Variants in ALG13 observed in about 807,000 individuals in gnomAD.
ALG13 encodes the protein UDP-N-acetylglucosamine transferase subunit ALG13.
ALG13 carries 11 observed loss-of-function variants against 87.8 expected under a neutral mutation model. The observed-to-expected ratio is 0.13, with a 90% CI of 0.08 to 0.21. The LOEUF (loss-of-function observed/expected upper bound fraction) is 0.21. ALG13 is among the 10% of genes least tolerant of loss of function. The pLI is 1.00. For missense variants in ALG13, 756 were observed against 866.1 expected, an observed-to-expected ratio of 0.87 and a Z score of 1.60; for synonymous variants, 320 against 306.3, an observed-to-expected ratio of 1.04 and a Z score of -0.47.
rs752433516 is a variant in ALG13 at position 111,721,641 on chromosome X, G to A, written c.1365G>A (p.Lys455=). The part of the protein sequence containing the change: ...ENPSKMPFPY[K]VLKALDPEIY... ...CATCAAAGATGCCCTTCCCCTATAA[G>A]GTGCTCAAAGCCCTGGATCCAGAAA... The change falls in exon 12 of 27, where the codon AAG becomes AAA. Residue 455 remains lysine (K), a synonymous_variant. Transcript: ENST00000394780. The A allele has an allele frequency of 8.3e-7, 1 of 1,201,930 alleles. No homozygotes were observed. Among genetic ancestry groups the A allele is most frequent in the East Asian group, 3.0e-5 (1 of 33,541 alleles).
intron 12 of ALG13, 82 bp downstream of exon 12, chrX:111,721,793 T>C (rs1602714250): frequency 1.9e-6 from 1 of 525,638 alleles, no homozygotes; most frequent in East Asian, 3.8e-5. Context: ...ACATCTCTTA[T>C]AAGAAATACT....
chrX:111,727,461 AAAGTCAGAGAAAATTGGT>A lies in ALG13; in HGVS notation c.2090+22_2090+39del. On this transcript the variant is annotated intron_variant, in intron 17 of 26. Coordinates refer to ENST00000394780, the MANE Select transcript of ALG13 (RefSeq NM_001099922.3). ...ATAGATCTCGGTAAGTATTGTGTTG[AAAGTCAGAGAAAATTGGT>A]AAGTCTGATTTCATTGCTGAACATT... 1.8e-5 allele frequency: 21 copies of A among 1,153,100 alleles called. No homozygotes were observed. Among genetic ancestry groups the A allele is most frequent in the Non-Finnish European group, 2.5e-5 (21 of 848,177 alleles).
chrX:111,720,284 G>C, intron 11 of ALG13, 114 bp downstream of exon 11: 1 of 401,611 alleles, frequency 2.5e-6, no homozygotes, highest in Non-Finnish European at 4.1e-6. Context: ...GGAGGAGTTG[G>C]TCATTTTCCT....
rs755654441 is a variant in ALG13, at chrX:111,698,936, CTGTTTTCTATAA to C, written c.384-9088_384-9077del. ...TTTAATTTTTTGAGGAACTTCCATA[CTGTTTTCTATAA>C]TGGCTGTACTAATTTACATTCCCAC... On this transcript the variant is annotated intron_variant, in intron 3 of 26. Coordinates refer to ENST00000394780, the MANE Select transcript of ALG13 (RefSeq NM_001099922.3). Among the ~76,000 whole-genome samples the C allele has an allele frequency of 1.3e-3, 145 of 111,557 alleles. 1 individual carries two copies. The highest frequency in any genetic ancestry group is 4.6e-3 in the Middle Eastern group (1 of 218).
chrX:111,723,445 A>G (rs1222665256), intron 13 of ALG13, among the ~76,000 whole-genome samples: 2 of 108,933 alleles, frequency 1.8e-5, no homozygotes, highest in Non-Finnish European at 3.8e-5. Flanking sequence ...GACTATTTTT[A>G]TTTTCTTTTA....
chrX:111,709,167 A>T (rs996164477), intron 5 of ALG13, 119 bp downstream of exon 5: 23 of 315,819 alleles, frequency 7.3e-5, no homozygotes, highest in African/African-American at 6.0e-4. Flanking sequence ...CAAATATATA[A>T]TTCCCAACTG....
chrX:111,704,499 G>A (rs1938414143), intron 3 of ALG13, among the ~76,000 whole-genome samples: 1 of 111,912 alleles, frequency 8.9e-6, no homozygotes, highest in Admixed American at 9.4e-5. Flanking sequence ...TTTATGCAGG[G>A]GATTGAACTA....
At chrX:111,741,126 G>T (rs1326848586) in intron 23 of ALG13, among the ~76,000 whole-genome samples, 1 of 111,973 alleles carries the variant, frequency 8.9e-6, no homozygotes, top group Non-Finnish European at 1.9e-5. Context: ...GGATCTAGCT[G>T]CCTATTGACA....
chrX:111,738,726 A>G (rs967629533), intron 23 of ALG13, among the ~76,000 whole-genome samples: 2 of 109,995 alleles, frequency 1.8e-5, no homozygotes, highest in African/African-American at 6.6e-5. Flanking sequence ...TTGTAGAGAC[A>G]GGGTCTTGCC....
intron 8 of ALG13, among the ~76,000 whole-genome samples, 200 bp from the exon 9 acceptor site, chrX:111,717,646 A>G (rs1940824695): frequency 9.4e-6 from 1 of 106,910 alleles, no homozygotes; most frequent in East Asian, 2.9e-4. Context: ...TAATCTTGGC[A>G]TTTAAAAGTC....
chrX:111,719,676 G>A lies in ALG13; in HGVS notation c.1251-419G>A, dbSNP rs764760407. Among the ~76,000 whole-genome samples the A allele has an allele frequency of 8.0e-5, 9 of 112,006 alleles. No individual in the cohort carries two copies. The South Asian group carries it at 3.4e-3, about 42-fold the overall frequency. On this transcript the variant is annotated intron_variant, in intron 10 of 26. Transcript: ENST00000394780. ...AGAAAAGTCTACTTCCCCACTCATGGTTCTTGGCAGCATTCAGTTCCTTCG... is the reference window on the plus strand; with the variant it reads ...AGAAAAGTCTACTTCCCCACTCATGATTCTTGGCAGCATTCAGTTCCTTCG...
At chrX:111,758,242 A>G (rs771565938) in intron 26 of ALG13, among the ~76,000 whole-genome samples, 73 of 112,330 alleles carry the variant, frequency 6.5e-4, no homozygotes, top group African/African-American at 2.3e-3. Flanking sequence ...TAAATGAAGT[A>G]TAATGATTAA....
intron 9 of ALG13, 53 bp downstream of exon 9, chrX:111,717,980 C>A: frequency 9.0e-7 from 1 of 1,110,248 alleles, no homozygotes; most frequent in Non-Finnish European, 1.2e-6. Flanking sequence ...CTTGTTTTCA[C>A]TCAGGGACCC....
intron 22 of ALG13, among the ~76,000 whole-genome samples, chrX:111,735,891 G>A (rs1943188335): frequency 9.1e-6 from 1 of 110,409 alleles, no homozygotes; most frequent in Non-Finnish European, 1.9e-5. Flanking sequence ...GCACAGCCCT[G>A]TACTGGGTGC....
Position 111,720,110 on chromosome X carries a change from T to C in ALG13, c.1266T>C (p.Gly422=), listed in dbSNP as rs5985637. The part of the protein sequence containing the change: ...SSNQNRMEEW[G]ACYNAENIPE... ...TTTGAATTAGGATGGAAGAGTGGGG[T>C]GCCTGCTACAATGCTGAAAATATAC... The change falls in exon 11 of 27, where the codon GGT becomes GGC. Residue 422 remains glycine (G), a synonymous_variant. Coordinates refer to ENST00000394780, the MANE Select transcript of ALG13 (RefSeq NM_001099922.3). 19,838 of 1,188,699 alleles carry C rather than the reference T, an allele frequency of 0.017. 162 individuals are homozygous for C. The highest frequency in any genetic ancestry group is 0.02 in the Non-Finnish European group (17,378 of 882,696).
rs765939229 is a variant in ALG13 at position 111,730,478 on chromosome X, C to A, written c.2402-47C>A. On this transcript the variant is annotated intron_variant, in intron 20 of 26. Coordinates refer to ENST00000394780, the MANE Select transcript of ALG13 (RefSeq NM_001099922.3). ...GCATTCATCATTGTTTATAGAATTT[C>A]AAGCTATAAAATAATGCTCATTTTT... 4 of 1,191,911 alleles carry A rather than the reference C, an allele frequency of 3.4e-6. No homozygotes were observed. In the African/African-American group the frequency reaches 7.0e-5, roughly 21 times the overall value.
intron 21 of ALG13, among the ~76,000 whole-genome samples, chrX:111,734,674 C>T (rs767343521): frequency 2.1e-4 from 24 of 111,896 alleles, no homozygotes; most frequent in Non-Finnish European, 3.8e-4. Flanking sequence ...ACTGAATAAC[C>T]AGTTTACCCT....
chrX:111,690,175 CTGTT>C, intron 3 of ALG13: 1 of 753,016 alleles, frequency 1.3e-6, no homozygotes, highest in Non-Finnish European at 1.6e-6. Flanking sequence ...AACCAAAAGT[CTGTT>C]TGAAATGTTT....
chrX:111,689,770 C>T, intron 3 of ALG13: 2 of 749,445 alleles, frequency 2.7e-6, no homozygotes, highest in Non-Finnish European at 3.1e-6. Context: ...GCTCTTTCTA[C>T]CCTGCATAAT....
Sources: gnomAD v4.1 joint callset for allele counts (sites outside exome capture counted in the v4.1 genomes callset) on GRCh38, gnomAD v4.1.1 for gene constraint, MANE v1.5 for transcripts, NCBI Gene and HGNC (gene_info 2026-07-23, HGNC 2026-07-21) for gene names.